The following STXBP5L variants were observed in gnomAD, a reference collection of about 807,000 sequenced individuals.
The protein encoded by STXBP5L is syntaxin-binding protein 5-like.
A neutral mutation model predicts 144.5 loss-of-function variants in STXBP5L; 65 were observed. That is an observed-to-expected ratio of 0.45 (90% CI 0.37 to 0.55). The LOEUF is 0.55. STXBP5L is among the 20% of genes least tolerant of loss of function. STXBP5L has a pLI of 0.00. For synonymous variants in STXBP5L, 505 were observed against 469.6 expected (o/e 1.08, Z -0.97); for missense variants, 1,298 against 1,405.5 (o/e 0.92, Z 1.22).
chr3:121,016,494 A>T lies in STXBP5L; in HGVS notation c.288-25206A>T, dbSNP rs556370491. ...TTTGATGTACGTATCTATAGATTAG[A>T]CTCAGACATAGAATGAGTCATTGAG... On this transcript the variant is annotated intron_variant, in intron 3 of 26. Coordinates refer to ENST00000471454, the MANE Select transcript of STXBP5L (RefSeq NM_001308330.2). 1.5e-4 allele frequency among the ~76,000 whole-genome samples: 23 copies of T among 152,314 alleles called. No homozygotes were observed. In the South Asian group the frequency reaches 4.3e-3, roughly 29 times the overall value.
At chr3:121,032,920 C>T (rs1280633182) in intron 3 of STXBP5L, among the ~76,000 whole-genome samples, 1 of 38,860 alleles carries the variant, frequency 2.6e-5, no homozygotes, top group Non-Finnish European at 5.2e-5. Flanking sequence ...AGTCAGGAAA[C>T]AACAGGTGCT....
rs1461727602 is a variant in STXBP5L, at chr3:121,126,366, A to G, written c.669+4662A>G. On this transcript the variant is annotated intron_variant, in intron 7 of 26. Transcript: ENST00000471454. ...AATGTTCACTATCTGGCCTTTACAT[A>G]AAAAGTTTGCCAACTCCTGTCCTAG... is the stretch of plus-strand genomic sequence containing the variant. Among the ~76,000 whole-genome samples the G allele has an allele frequency of 2.0e-5, 3 of 152,190 alleles. No homozygotes were observed. In the East Asian group the frequency reaches 5.8e-4, roughly 29 times the overall value.
intron 3 of STXBP5L, among the ~76,000 whole-genome samples, chr3:121,040,957 G>T (rs775854975): frequency 2.0e-5 from 3 of 151,940 alleles, no homozygotes; most frequent in African/African-American, 4.8e-5. Context: ...CATCTAATTT[G>T]TATCTTTATG....
At chr3:121,130,300 A>C (rs1395271588) in intron 7 of STXBP5L, among the ~76,000 whole-genome samples, 1 of 152,110 alleles carries the variant, frequency 6.6e-6, no homozygotes, top group African/African-American at 2.4e-5. Flanking sequence ...GTAGAGACTG[A>C]ACCATGGAAT....
At chr3:121,152,628 T>G in intron 8 of STXBP5L, 68 bp downstream of exon 8, 1 of 1,199,944 alleles carries the variant, frequency 8.3e-7, no homozygotes, top group Non-Finnish European at 1.2e-6. Context: ...ACTTTTAAGC[T>G]TTGCACTTTA....
At chr3:120,984,111 T>A (rs1358172948) in intron 3 of STXBP5L, among the ~76,000 whole-genome samples, 1 of 152,110 alleles carries the variant, frequency 6.6e-6, no homozygotes, top group East Asian at 1.9e-4. Context: ...GGGACTGGAG[T>A]AGGCTTCCTG....
intron 3 of STXBP5L, among the ~76,000 whole-genome samples, chr3:121,016,021 A>T (rs962821950): frequency 2.6e-5 from 4 of 152,224 alleles, no homozygotes; most frequent in Non-Finnish European, 5.9e-5. Context: ...ATATTTCAAG[A>T]AGTCCAAAGT....
intron 20 of STXBP5L, among the ~76,000 whole-genome samples, chr3:121,374,607 A>G (rs922434335): frequency 6.6e-6 from 1 of 152,202 alleles, no homozygotes; most frequent in African/African-American, 2.4e-5. Context: ...AAAGAGATAG[A>G]TATCATAAAA....
intron 14 of STXBP5L, among the ~76,000 whole-genome samples, chr3:121,244,961 A>G (rs563597920): frequency 6.6e-6 from 1 of 152,132 alleles, no homozygotes; most frequent in Non-Finnish European, 1.5e-5. Flanking sequence ...CAAACACACT[A>G]GACAACACCA....
chr3:121,265,642 A>C (rs1577333326), intron 18 of STXBP5L, among the ~76,000 whole-genome samples: 1 of 152,326 alleles, frequency 6.6e-6, no homozygotes, highest in East Asian at 1.9e-4. Flanking sequence ...TGAAGGTGAT[A>C]GAGACATGGA....
Position 120,962,885 on chromosome 3 carries a change from T to C in STXBP5L, c.287+7848T>C, listed in dbSNP as rs1939036768. On this transcript the variant is annotated intron_variant, in intron 3 of 26. Coordinates refer to ENST00000471454, the MANE Select transcript of STXBP5L (RefSeq NM_001308330.2). ...TTGGGCAGTATAGCCATTTTCACTA[T>C]ATTGATTCTTCCTATCCATGAGCAT... Among the ~76,000 whole-genome samples, 2 of 152,330 alleles carry C rather than the reference T, an allele frequency of 1.3e-5. 1 individual carries two copies. The highest frequency in any genetic ancestry group is 4.1e-4 in the South Asian group (2 of 4,826).
chr3:121,384,259 A>T (rs1274114410), intron 22 of STXBP5L, among the ~76,000 whole-genome samples: 1 of 152,146 alleles, frequency 6.6e-6, no homozygotes, highest in Admixed American at 6.6e-5. Context: ...AGAAATAAAG[A>T]ATACCATGGC....
intron 4 of STXBP5L, among the ~76,000 whole-genome samples, chr3:121,044,993 T>C (rs1947411990): frequency 6.6e-6 from 1 of 152,160 alleles, no homozygotes; most frequent in Non-Finnish European, 1.5e-5. Flanking sequence ...TTTCCAAATA[T>C]ACAGAAAATT....
chr3:121,302,705 A>G (rs2051970181), intron 19 of STXBP5L, among the ~76,000 whole-genome samples: 1 of 152,210 alleles, frequency 6.6e-6, no homozygotes, highest in South Asian at 2.1e-4. Context: ...GGAACAGAAC[A>G]GAACCCTCAA....
rs190516443 is a variant in STXBP5L at position 121,034,574 on chromosome 3, A to G, written c.288-7126A>G. 1.8e-3 allele frequency among the ~76,000 whole-genome samples: 266 copies of G among 150,970 alleles called. 6 individuals are homozygous for G. The East Asian group carries it at 0.047, about 27-fold the overall frequency. On this transcript the variant is annotated intron_variant, in intron 3 of 26. Coordinates refer to ENST00000471454, the MANE Select transcript of STXBP5L (RefSeq NM_001308330.2). ...TATCTATCCATCCATCCATCCATCC[A>G]TCTATCTATGTATCTATCTAGCTCA...
chr3:121,274,964 CAGTT>C (rs1486609773), intron 18 of STXBP5L, among the ~76,000 whole-genome samples: 2 of 152,092 alleles, frequency 1.3e-5, no homozygotes, highest in African/African-American at 4.8e-5. Context: ...AGAGAGCAGT[CAGTT>C]ATTTACTTAT....
chr3:121,120,977 G>T (rs1358179739), intron 6 of STXBP5L, among the ~76,000 whole-genome samples: 19 of 151,170 alleles, frequency 1.3e-4, no homozygotes, highest in Non-Finnish European at 2.1e-4. Flanking sequence ...TGCCAGATAT[G>T]AGAGTAGAAT....
chr3:121,337,955 TG>T (rs1234422148), intron 20 of STXBP5L, among the ~76,000 whole-genome samples: 1 of 152,096 alleles, frequency 6.6e-6, no homozygotes, highest in East Asian at 1.9e-4. Flanking sequence ...CTGGATGATT[TG>T]GGGGTAAAAA....
At chr3:121,065,491 C>A (rs1031150057) in intron 5 of STXBP5L, among the ~76,000 whole-genome samples, 3 of 152,056 alleles carry the variant, frequency 2.0e-5, no homozygotes, top group Non-Finnish European at 4.4e-5. Context: ...TTACCATAAA[C>A]TTAGTGACTT....
Sources: gnomAD v4.1 joint callset for allele counts (sites outside exome capture counted in the v4.1 genomes callset) on GRCh38, gnomAD v4.1.1 for gene constraint, MANE v1.5 for transcripts, NCBI Gene and HGNC (gene_info 2026-07-23, HGNC 2026-07-21) for gene names.